The following RNF212B variants were observed in gnomAD, a reference collection of about 807,000 sequenced individuals.
The protein encoded by RNF212B is ring finger protein 212B, also known as E3 ubiquitin-protein ligase RNF212B.
A neutral mutation model predicts 55.5 loss-of-function variants in RNF212B; 52 were observed. The observed-to-expected ratio is 0.94, with a 90% CI of 0.75 to 1.18. RNF212B has a LOEUF of 1.18. Ranked by LOEUF, RNF212B falls within the 50% of genes most tolerant of loss-of-function variation. RNF212B has a pLI of 0.00. For synonymous variants in RNF212B, 99 were observed against 121.4 expected, an observed-to-expected ratio of 0.82 and a Z score of 1.21; for missense variants, 289 against 350.4, an observed-to-expected ratio of 0.82 and a Z score of 1.40.
rs907544571 is a variant in RNF212B at position 23,264,679 on chromosome 14, G to C, written c.634+8G>C. ...CCAGAGACTCTTATAATGGTGAGGT[G>C]GGGGGAAAAGGGTGTCAGAAATCAA... On this transcript the variant is annotated splice_region_variant and intron_variant, in intron 11 of 14. Coordinates refer to ENST00000430154, the MANE Select transcript of RNF212B (RefSeq NM_001282322.3). 7.0e-6 allele frequency: 9 copies of C among 1,284,584 alleles called. No homozygotes were observed. The highest frequency in any genetic ancestry group is 2.0e-4 in the Middle Eastern group (1 of 4,988). 79.6% of individuals were successfully genotyped at this position (1,284,584 alleles called of 1,614,324 possible). A position where few individuals can be genotyped will look rare whatever the true frequency, so the allele number is the denominator to read the frequency against.
chr14:23,212,401 G>A (rs1200062563), intron 2 of RNF212B, among the ~76,000 whole-genome samples: 1 of 151,954 alleles, frequency 6.6e-6, no homozygotes, highest in Non-Finnish European at 1.5e-5. Flanking sequence ...ACTCACAGAC[G>A]GCATGATTAT....
At chr14:23,222,349 A>G (rs1422704685) in intron 2 of RNF212B, among the ~76,000 whole-genome samples, 1 of 152,178 alleles carries the variant, frequency 6.6e-6, no homozygotes, top group Non-Finnish European at 1.5e-5. Context: ...AATGGCTACT[A>G]TGAACAACTA....
Position 23,267,435 on chromosome 14 carries a change from AT to A in RNF212B, c.635-1476del, listed in dbSNP as rs541785125. Among the ~76,000 whole-genome samples, 1,351 of 143,670 alleles carry A rather than the reference AT, an allele frequency of 9.4e-3. 14 individuals are homozygous for A. Among genetic ancestry groups the A allele is most frequent in the African/African-American group, 0.024 (940 of 39,496 alleles). The allele number at this position is 143,670 out of a possible 152,430, so 94.3% of individuals were successfully genotyped here. On this transcript the variant is annotated intron_variant, in intron 11 of 14. Transcript: ENST00000430154. Reference sequence around the variant, plus strand: ...TTTAATGCCTTTGTCTCTTGTAACAATTTTTTTTTTTTTGGGACAGAGTCTC... The same window carrying A: ...TTTAATGCCTTTGTCTCTTGTAACAATTTTTTTTTTTTGGGACAGAGTCTC...
In RNF212B at chr14:23,266,406, T is replaced by G. The variant is rs201676641; in HGVS notation, c.634+1735T>G. On this transcript the variant is annotated intron_variant, in intron 11 of 14. Transcript: ENST00000430154. ...CAGTGATTTAAATCCTTTTAAATGT[T>G]TTTTTTTTTTTTTTTTTTTTTTGAG... is the stretch of plus-strand genomic sequence containing the variant. Among the ~76,000 whole-genome samples the G allele has an allele frequency of 1.3e-3, 138 of 108,418 alleles. No individual in the cohort carries two copies. The East Asian group carries it at 0.047, about 37-fold the overall frequency. 71.1% of individuals were successfully genotyped at this position (108,418 alleles called of 152,430 possible). A position where few individuals can be genotyped will look rare whatever the true frequency, so the allele number is the denominator to read the frequency against.
intron 4 of RNF212B, among the ~76,000 whole-genome samples, chr14:23,248,522 A>G (rs1352877014): frequency 1.4e-5 from 2 of 144,894 alleles, no homozygotes; most frequent in African/African-American, 5.2e-5. Context: ...GCTCACTGCA[A>G]TCTCCGCCTC....
intron 2 of RNF212B, among the ~76,000 whole-genome samples, chr14:23,220,185 GAAAAACAAAAAC>G (rs55781375): frequency 0.12 from 16,704 of 143,974 alleles, 1,589 homozygotes; most frequent in African/African-American, 0.26. Flanking sequence ...ACTGTCTCGG[GAAAAACAAAAAC>G]AAAAACAAAA....
At chr14:23,249,961 T>C (rs1351896340) in intron 4 of RNF212B, among the ~76,000 whole-genome samples, 3 of 152,210 alleles carry the variant, frequency 2.0e-5, no homozygotes, top group Admixed American at 2.0e-4. Context: ...ATCACTTAAG[T>C]TTCAGACTGC....
chr14:23,268,299 ACTGTTGGGTTTCATCATGAGCATGCC>A, intron 11 of RNF212B, among the ~76,000 whole-genome samples: 1 of 152,034 alleles, frequency 6.6e-6, no homozygotes, highest in Non-Finnish European at 1.5e-5. Flanking sequence ...TGACTGCCAG[ACTGTTGGGTTTCATCATGAGCATGCC>A]CTGTTGGTTT....
chr14:23,264,168 A>G lies in RNF212B; in HGVS notation c.525-6A>G. ...CTTTTTTTTCTTTTTGTTTCACCTTATACAGTCGGTCCTCCTCAGCGGAAT... is the reference window on the plus strand; with the variant it reads ...CTTTTTTTTCTTTTTGTTTCACCTTGTACAGTCGGTCCTCCTCAGCGGAAT... On this transcript the variant is annotated splice_region_variant and splice_polypyrimidine_tract_variant and intron_variant, in intron 9 of 14. Coordinates refer to ENST00000430154, the MANE Select transcript of RNF212B (RefSeq NM_001282322.3). 6.5e-7 allele frequency: 1 copy of G among 1,547,488 alleles called. No homozygotes were observed. The highest frequency in any genetic ancestry group is 8.7e-7 in the Non-Finnish European group (1 of 1,144,666).
chr14:23,260,594 C>T (rs1006554384), intron 6 of RNF212B, 65 bp from the exon 7 acceptor site: 5 of 1,460,010 alleles, frequency 3.4e-6, no homozygotes, highest in Middle Eastern at 1.7e-4. Flanking sequence ...GCAAGTAAGA[C>T]TGAAGATCTG....
At chr14:23,210,928 T>TA (rs1218218216) in intron 2 of RNF212B, among the ~76,000 whole-genome samples, 1 of 151,970 alleles carries the variant, frequency 6.6e-6, no homozygotes, top group African/African-American at 2.4e-5. Flanking sequence ...TACAAAAAGA[T>TA]AATGAATAAG....
chr14:23,207,918 A>G (rs1230865824), intron 2 of RNF212B, among the ~76,000 whole-genome samples: 1 of 152,152 alleles, frequency 6.6e-6, no homozygotes, highest in African/African-American at 2.4e-5. Context: ...AGGTAGGCAG[A>G]CTCTAAGCGG....
intron 1 of RNF212B, among the ~76,000 whole-genome samples, chr14:23,186,843 G>A (rs1355337391): frequency 2.6e-5 from 4 of 152,144 alleles, no homozygotes; most frequent in Non-Finnish European, 4.4e-5. Context: ...CTATTTGAGG[G>A]CAAATGGGAG....
At chr14:23,206,401 A>T (rs547571637) in intron 2 of RNF212B, among the ~76,000 whole-genome samples, 16 of 152,264 alleles carry the variant, frequency 1.1e-4, no homozygotes, top group African/African-American at 3.8e-4. Flanking sequence ...TATCTGATTT[A>T]CATGCTTGTA....
chr14:23,212,614 C>T (rs983990986), intron 2 of RNF212B, among the ~76,000 whole-genome samples: 2 of 151,734 alleles, frequency 1.3e-5, no homozygotes, highest in African/African-American at 2.4e-5. Flanking sequence ...CTCGCTCTGT[C>T]GCCCAGGCCC....
chr14:23,201,729 T>C (rs749186005), intron 2 of RNF212B, among the ~76,000 whole-genome samples: 3 of 152,178 alleles, frequency 2.0e-5, no homozygotes, highest in East Asian at 1.9e-4. Flanking sequence ...TTTCAGGTCA[T>C]TGTAAAGTCA....
intron 2 of RNF212B, among the ~76,000 whole-genome samples, chr14:23,196,002 T>C (rs902455825): frequency 3.9e-5 from 6 of 152,196 alleles, no homozygotes; most frequent in African/African-American, 1.4e-4. Flanking sequence ...CAACATTCTT[T>C]TCTGTCTCAG....
intron 4 of RNF212B, among the ~76,000 whole-genome samples, chr14:23,248,021 C>T (rs543995887): frequency 2.8e-4 from 43 of 152,172 alleles, no homozygotes; most frequent in African/African-American, 9.1e-4. Context: ...GATTCAGTGT[C>T]GGGGGAGGGC....
rs1417481303 is a variant in RNF212B, at chr14:23,262,672, A to T, written c.442A>T (p.Thr148Ser). Residue 148 changes from threonine (T) to serine (S), a missense_variant, in exon 8 of 15, where the codon ACA (threonine) becomes TCA (serine). Physicochemically the swap from Thr to Ser is moderately conservative, Grantham distance 58. Transcript: ENST00000430154. ...PSRYQGSRSITPRPVGITSPS... is the reference protein window; with the variant it reads ...PSRYQGSRSISPRPVGITSPS... Reference sequence around the variant, plus strand: ...TTTTTTTTTCCCTTGCAGGTCAATCACACCTCGACCAGTGGGCATTACTTC... The same window carrying T: ...TTTTTTTTTCCCTTGCAGGTCAATCTCACCTCGACCAGTGGGCATTACTTC... 2 of 1,549,958 alleles carry T rather than the reference A, an allele frequency of 1.3e-6. No individual in the cohort carries two copies. The highest frequency in any genetic ancestry group is 8.7e-7 in the Non-Finnish European group (1 of 1,146,882).
Sources: allele counts gnomAD v4.1 joint callset (sites outside exome capture counted in the v4.1 genomes callset), GRCh38; gene constraint gnomAD v4.1.1; transcripts MANE v1.5; gene names NCBI Gene and HGNC (gene_info 2026-07-23, HGNC 2026-07-21).